Variants in PDE7B observed in about 807,000 individuals in gnomAD.
PDE7B encodes the protein phosphodiesterase 7B.
Under a neutral mutation model 56.2 loss-of-function variants are expected in PDE7B, and 29 were observed. That is an observed-to-expected ratio of 0.52 (90% confidence interval 0.38 to 0.70). PDE7B has a LOEUF of 0.70. Ranked by LOEUF, PDE7B falls within the 30% of genes least tolerant of loss-of-function variation. PDE7B has a pLI of 0.00. For synonymous variants in PDE7B, 197 were observed against 196.9 expected (o/e 1.00, Z 0.00); for missense variants, 490 against 565.0 (o/e 0.87, Z 1.35).
chr6:136,132,717 A>G (rs929926821), intron 3 of PDE7B, among the ~76,000 whole-genome samples: 101 of 152,320 alleles, frequency 6.6e-4, no homozygotes, highest in African/African-American at 2.2e-3. Context: ...GATGAAATAC[A>G]TGAGATATGT....
At chr6:136,111,050 G>C (rs1777738907) in intron 3 of PDE7B, 1 of 152,018 alleles carries the variant, frequency 6.6e-6, no homozygotes, top group Non-Finnish European at 1.5e-5. Flanking sequence ...ATTCCCTTTA[G>C]GGTCTCCTCA....
intron 1 of PDE7B, among the ~76,000 whole-genome samples, chr6:135,891,391 T>C (rs777127564): frequency 1.3e-5 from 2 of 152,214 alleles, no homozygotes; most frequent in African/African-American, 4.8e-5. Context: ...TTGCCAGATG[T>C]TGAAATGGCA....
At chr6:136,069,681 A>G (rs1213863110) in intron 2 of PDE7B, among the ~76,000 whole-genome samples, 1 of 152,342 alleles carries the variant, frequency 6.6e-6, no homozygotes, top group African/African-American at 2.4e-5. Context: ...GTTCTATAAT[A>G]TACAGTTATA....
chr6:135,948,418 T>A (rs189003449), intron 2 of PDE7B, among the ~76,000 whole-genome samples: 188 of 152,130 alleles, frequency 1.2e-3, no homozygotes, highest in African/African-American at 4.2e-3. Context: ...ATTTTAGCAT[T>A]TTCTATTTAC....
intron 2 of PDE7B, among the ~76,000 whole-genome samples, chr6:136,014,145 A>G (rs1187526527): frequency 1.3e-5 from 2 of 152,168 alleles, no homozygotes; most frequent in African/African-American, 4.8e-5. Flanking sequence ...TTTTTAAAAG[A>G]TATTTATTGA....
At chr6:136,060,926 G>C (rs978636600) in intron 2 of PDE7B, among the ~76,000 whole-genome samples, 1 of 152,126 alleles carries the variant, frequency 6.6e-6, no homozygotes, top group African/African-American at 2.4e-5. Context: ...CTCAGTGAAG[G>C]CATCAGTAGG....
chr6:136,024,812 A>G (rs1449880778), intron 2 of PDE7B, among the ~76,000 whole-genome samples: 1 of 152,230 alleles, frequency 6.6e-6, no homozygotes, highest in Non-Finnish European at 1.5e-5. Context: ...AAGGTTCTAG[A>G]GAAAAAGCCC....
chr6:136,049,639 A>G (rs1157972717), intron 2 of PDE7B, among the ~76,000 whole-genome samples: 1 of 152,134 alleles, frequency 6.6e-6, no homozygotes, highest in African/African-American at 2.4e-5. Context: ...TGACTTTAGG[A>G]TGGTTAAGAT....
chr6:135,971,963 G>A (rs995664022), intron 2 of PDE7B, among the ~76,000 whole-genome samples: 6 of 151,968 alleles, frequency 3.9e-5, no homozygotes, highest in African/African-American at 9.7e-5. Flanking sequence ...TGCCGGGCAC[G>A]GTGGCTCATG....
chr6:135,890,066 A>T (rs1775784139), intron 1 of PDE7B, among the ~76,000 whole-genome samples: 1 of 152,108 alleles, frequency 6.6e-6, no homozygotes, highest in South Asian at 2.1e-4. Context: ...GCTACTTTTT[A>T]TATCAGTCTC....
intron 1 of PDE7B, among the ~76,000 whole-genome samples, chr6:135,880,564 A>G (rs933253261): frequency 2.0e-5 from 3 of 152,176 alleles, no homozygotes; most frequent in African/African-American, 7.2e-5. Context: ...TGAAAGTAAA[A>G]CAGGATTGAA....
intron 9 of PDE7B, among the ~76,000 whole-genome samples, chr6:136,176,114 G>A (rs896880803): frequency 6.6e-6 from 1 of 151,564 alleles, no homozygotes; most frequent in Non-Finnish European, 1.5e-5. Context: ...TTTTATATTT[G>A]GTCTCTTCCT....
At position 136,079,726 on chromosome 6, in the gene PDE7B, CAAA is replaced by C. The variant is rs35447604; in HGVS notation, c.83-28987_83-28985del. Among the ~76,000 whole-genome samples, 466 of 94,386 alleles carry C rather than the reference CAAA, an allele frequency of 4.9e-3. 4 individuals are homozygous for C. The highest frequency in any genetic ancestry group is 0.014 in the African/African-American group (408 of 28,456). The allele number at this position is 94,386 out of a possible 152,430, so 61.9% of individuals were successfully genotyped here. A position where few individuals can be genotyped will look rare whatever the true frequency, so the allele number is the denominator to read the frequency against. ...AGACCAGCCATTTGGATTAGGAAGA[CAAA>C]AAAAAAAAAAAAAAAAAGACTTTCC... is the stretch of plus-strand genomic sequence containing the variant. On this transcript the variant is annotated intron_variant, in intron 2 of 12. Transcript: ENST00000308191.
chr6:136,056,951 T>C (rs1387088523), intron 2 of PDE7B, among the ~76,000 whole-genome samples: 1 of 152,204 alleles, frequency 6.6e-6, no homozygotes, highest in African/African-American at 2.4e-5. Flanking sequence ...TTAGGCATAC[T>C]TCTCTTTAAT....
chr6:136,128,733 T>C (rs1403665128), intron 3 of PDE7B, among the ~76,000 whole-genome samples: 1 of 152,152 alleles, frequency 6.6e-6, no homozygotes, highest in Non-Finnish European at 1.5e-5. Context: ...TGATAACGCA[T>C]ATATGGCTGA....
At chr6:136,097,406 C>T (rs974459062) in intron 2 of PDE7B, among the ~76,000 whole-genome samples, 1 of 152,054 alleles carries the variant, frequency 6.6e-6, no homozygotes, top group Non-Finnish European at 1.5e-5. Context: ...TCTCCCTCAG[C>T]CCTCATATGA....
intron 2 of PDE7B, chr6:136,072,414 T>G (rs1414412541): frequency 6.6e-6 from 1 of 152,396 alleles, no homozygotes; most frequent in Non-Finnish European, 1.5e-5. Flanking sequence ...GCTCTTGAAC[T>G]CCTGGGCTCA....
intron 2 of PDE7B, among the ~76,000 whole-genome samples, chr6:136,007,274 G>A (rs773569799): frequency 6.6e-6 from 1 of 152,098 alleles, no homozygotes; most frequent in Non-Finnish European, 1.5e-5. Context: ...TGATTATGAT[G>A]GATTAGCCTT....
intron 1 of PDE7B, among the ~76,000 whole-genome samples, chr6:135,898,914 C>T (rs1391787988): frequency 6.6e-6 from 1 of 152,124 alleles, no homozygotes; most frequent in Non-Finnish European, 1.5e-5. Context: ...TATGGTTTGG[C>T]TGTGTCCCCA....
Sources: allele counts gnomAD v4.1 joint callset (sites outside exome capture counted in the v4.1 genomes callset), GRCh38; gene constraint gnomAD v4.1.1; transcripts MANE v1.5; gene names NCBI Gene and HGNC (gene_info 2026-07-23, HGNC 2026-07-21).